Variants in RAB30 observed in about 807,000 individuals in gnomAD.
RAB30 encodes RAB30, member RAS oncogene family, also known as ras-related protein Rab-30.
A neutral mutation model predicts 25.1 loss-of-function variants in RAB30; 9 were observed. The observed-to-expected ratio is 0.36, with a 90% CI of 0.22 to 0.63. RAB30 has a LOEUF of 0.63. Ranked by LOEUF, RAB30 falls within the 20% of genes least tolerant of loss-of-function variation. RAB30 has a pLI of 0.69. For synonymous variants in RAB30, 77 were observed against 86.4 expected (o/e 0.89, Z 0.60); for missense variants, 140 against 243.5 (o/e 0.58, Z 2.83).
intron 1 of RAB30, among the ~76,000 whole-genome samples, chr11:83,025,898 T>C (rs1857700958): frequency 1.3e-5 from 2 of 151,314 alleles, no homozygotes; most frequent in South Asian, 4.2e-4. Flanking sequence ...GATATAGATA[T>C]AGATACAAGG....
At chr11:83,043,454 C>T (rs1185438024) in intron 1 of RAB30, among the ~76,000 whole-genome samples, 1 of 152,118 alleles carries the variant, frequency 6.6e-6, no homozygotes, top group Non-Finnish European at 1.5e-5. Context: ...TAAGTTTTGA[C>T]ATGATTTGTT....
intron 1 of RAB30, among the ~76,000 whole-genome samples, chr11:83,053,278 A>G (rs1259189132): frequency 1.3e-5 from 2 of 152,232 alleles, no homozygotes; most frequent in Non-Finnish European, 2.9e-5. Flanking sequence ...TTATAAAGCC[A>G]GGATAAGAAC....
chr11:82,986,510 C>T (rs912519471), intron 4 of RAB30, among the ~76,000 whole-genome samples: 1 of 152,174 alleles, frequency 6.6e-6, no homozygotes, highest in African/African-American at 2.4e-5. Context: ...CAAATGCAGA[C>T]CTCTCAAATG....
intron 1 of RAB30, chr11:83,034,298 T>C (rs1014327292): frequency 6.6e-6 from 1 of 152,210 alleles, no homozygotes; most frequent in African/African-American, 2.4e-5. Context: ...GCCAGAGAAT[T>C]TTAATGAAAA....
At chr11:83,002,790 C>T (rs1461187735) in intron 1 of RAB30, among the ~76,000 whole-genome samples, 1 of 151,990 alleles carries the variant, frequency 6.6e-6, no homozygotes, top group Non-Finnish European at 1.5e-5. Context: ...GGGACTCTGT[C>T]GATAAATAAA....
intron 2 of RAB30, among the ~76,000 whole-genome samples, chr11:82,994,708 T>C (rs1856924090): frequency 6.6e-6 from 1 of 152,202 alleles, no homozygotes; most frequent in Non-Finnish European, 1.5e-5. Flanking sequence ...AATTTTCCTT[T>C]GCCCCAGGGT....
At chr11:83,042,951 C>T (rs1414954787) in intron 1 of RAB30, among the ~76,000 whole-genome samples, 1 of 152,074 alleles carries the variant, frequency 6.6e-6, no homozygotes, top group Non-Finnish European at 1.5e-5. Context: ...AAAAACGAAC[C>T]AACAGTTATA....
At chr11:83,055,215 G>A (rs1318220885) in intron 1 of RAB30, among the ~76,000 whole-genome samples, 2 of 152,192 alleles carry the variant, frequency 1.3e-5, no homozygotes, top group Non-Finnish European at 2.9e-5. Context: ...TACATAAAGT[G>A]CCTAGCATAG....
At chr11:83,006,936 G>A (rs1857197424) in intron 1 of RAB30, among the ~76,000 whole-genome samples, 1 of 152,162 alleles carries the variant, frequency 6.6e-6, no homozygotes, top group African/African-American at 2.4e-5. Flanking sequence ...CAAAACCAAT[G>A]GATCAAACAA....
intron 1 of RAB30, among the ~76,000 whole-genome samples, chr11:83,059,223 T>A (rs1324319233): frequency 6.6e-6 from 1 of 152,250 alleles, no homozygotes; most frequent in Admixed American, 6.5e-5. Flanking sequence ...ATTACAGGTG[T>A]GAGCCACCGT....
At position 82,978,226 on chromosome 11, in the gene RAB30, G is replaced by T. The variant is rs1329644673; in HGVS notation, c.*3939C>A. 2.0e-5 allele frequency: 3 copies of T among 151,840 alleles called. No homozygotes were observed. Among genetic ancestry groups the T allele is most frequent in the Non-Finnish European group, 2.9e-5 (2 of 67,964 alleles). The allele number at this position is 151,840 out of a possible 1,614,324, so 9.4% of individuals were successfully genotyped here. ...AACAACAACAACAACAAAAAATTTT[G>T]GAAAAAAAGGAATGGCAAACTCTAG... On this transcript the variant is annotated 3_prime_UTR_variant, in exon 5 of 5. Coordinates refer to ENST00000527633, the MANE Select transcript of RAB30 (RefSeq NM_001286060.2).
At chr11:83,037,528 G>C (rs947170887) in intron 1 of RAB30, among the ~76,000 whole-genome samples, 1 of 152,184 alleles carries the variant, frequency 6.6e-6, no homozygotes, top group East Asian at 1.9e-4. Context: ...GGGATTACAG[G>C]TGTGAGCCAC....
At chr11:83,045,188 C>T (rs1858208505) in intron 1 of RAB30, among the ~76,000 whole-genome samples, 1 of 151,712 alleles carries the variant, frequency 6.6e-6, no homozygotes, top group South Asian at 2.1e-4. Context: ...GTGGATTACT[C>T]ATTTATTCAT....
At chr11:83,056,448 T>C (rs1414570600) in intron 1 of RAB30, among the ~76,000 whole-genome samples, 1 of 152,230 alleles carries the variant, frequency 6.6e-6, no homozygotes, top group Non-Finnish European at 1.5e-5. Flanking sequence ...TTGGGTTGCT[T>C]CCATCTTTTG....
chr11:83,025,975 G>A (rs1857702454), intron 1 of RAB30, among the ~76,000 whole-genome samples: 1 of 152,146 alleles, frequency 6.6e-6, no homozygotes, highest in Non-Finnish European at 1.5e-5. Context: ...GATTGCTTGA[G>A]CCCAGGAGTT....
rs543162047 is a variant in RAB30, at chr11:83,002,091, C to T, written c.-8-4767G>A. On this transcript the variant is annotated intron_variant, in intron 1 of 4. Transcript: ENST00000527633. ...GGATTCAAACCTAGATCCATCTGAC[C>T]CCAAAGCCTAGTTCTTTCTGCAACA... Among the ~76,000 whole-genome samples the T allele has an allele frequency of 3.2e-4, 48 of 152,234 alleles. No homozygotes were observed. The South Asian group carries it at 9.7e-3, about 31-fold the overall frequency.
chr11:83,037,837 G>C (rs771732017), intron 1 of RAB30, among the ~76,000 whole-genome samples: 2 of 152,164 alleles, frequency 1.3e-5, no homozygotes, highest in African/African-American at 4.8e-5. Flanking sequence ...ATGATAGAGA[G>C]TAAAGTGCAA....
chr11:83,044,045 T>C (rs1475882844), intron 1 of RAB30, among the ~76,000 whole-genome samples: 5 of 152,264 alleles, frequency 3.3e-5, no homozygotes, highest in African/African-American at 1.2e-4. Context: ...CCTAATATAA[T>C]CAGAAGAAAA....
chr11:83,043,074 C>A (rs997803823), intron 1 of RAB30, among the ~76,000 whole-genome samples: 1 of 152,158 alleles, frequency 6.6e-6, no homozygotes, highest in Admixed American at 6.6e-5. Flanking sequence ...TGCCCTTGAG[C>A]AATATGACTT....
Sources: gnomAD v4.1 joint callset for allele counts (sites outside exome capture counted in the v4.1 genomes callset) on GRCh38, gnomAD v4.1.1 for gene constraint, MANE v1.5 for transcripts, NCBI Gene and HGNC (gene_info 2026-07-23, HGNC 2026-07-21) for gene names.